KCNQ2: variants seen among roughly 807,000 people sequenced by gnomAD.
KCNQ2 encodes potassium voltage-gated channel subfamily KQT member 2.
A neutral mutation model predicts 84.8 loss-of-function variants in KCNQ2; 14 were observed. The observed-to-expected ratio is 0.17, with a 90% CI of 0.11 to 0.26. The LOEUF is 0.26. KCNQ2 is among the 10% of genes least tolerant of loss of function. KCNQ2 has a pLI of 1.00. For synonymous variants in KCNQ2, 599 were observed against 554.1 expected (o/e 1.08, Z -1.14); for missense variants, 788 against 1,254.0 (o/e 0.63, Z 5.61).
At chr20:63,451,872 C>T (rs1347242936) in intron 1 of KCNQ2, among the ~76,000 whole-genome samples, 1 of 152,230 alleles carries the variant, frequency 6.6e-6, no homozygotes, top group Non-Finnish European at 1.5e-5. Context: ...TCCCCAGCAG[C>T]GGCCTCTGCT....
chr20:63,461,782 G>GC (rs2081956437), intron 1 of KCNQ2, among the ~76,000 whole-genome samples: 1 of 139,504 alleles, frequency 7.2e-6, no homozygotes, highest in East Asian at 2.2e-4. Flanking sequence ...CTACCCCAGG[G>GC]AGCAGGGAAG....
At chr20:63,449,805 C>G (rs2081552507) in intron 1 of KCNQ2, among the ~76,000 whole-genome samples, 1 of 151,898 alleles carries the variant, frequency 6.6e-6, no homozygotes, top group African/African-American at 2.4e-5. Context: ...GGCAGAAGGA[C>G]AGGGCCAGGC....
In KCNQ2 at chr20:63,401,047, T is replaced by C; in HGVS notation, c.*5597A>G. On this transcript the variant is annotated 3_prime_UTR_variant, in exon 17 of 17. Coordinates refer to ENST00000359125, the MANE Select transcript of KCNQ2 (RefSeq NM_172107.4). ...GCCCCGGGGACCGGCCCCTCCTTGC[T>C]GGCGCCTGGCCGAGAGTCAGACGCT... 1 of 395,380 alleles carries C rather than the reference T, an allele frequency of 2.5e-6. No homozygotes were observed. 24.5% of individuals were successfully genotyped at this position (395,380 alleles called of 1,614,324 possible). A position where few individuals can be genotyped will look rare whatever the true frequency, so the allele number is the denominator to read the frequency against.
At position 63,438,377 on chromosome 20, in the gene KCNQ2, G is replaced by T; in HGVS notation, c.1023+248C>A. The stretch of plus-strand genomic sequence containing the variant: ...GAGAGGACCTGATGGCCGGGCCCCA[G>T]CACCCACACAAGGCAAGGGCCACCC... On this transcript the variant is annotated intron_variant, in intron 7 of 16. Coordinates refer to ENST00000359125, the MANE Select transcript of KCNQ2 (RefSeq NM_172107.4). The surrounding 1 kb of genome is among the most constrained non-coding windows in gnomAD (Gnocchi z 5.1). The T allele has an allele frequency of 1.7e-6, 1 of 588,044 alleles. No individual in the cohort carries two copies. The highest frequency in any genetic ancestry group is 3.1e-6 in the Non-Finnish European group (1 of 326,618). The allele number at this position is 588,044 out of a possible 1,614,324, so 36.4% of individuals were successfully genotyped here. A position where few individuals can be genotyped will look rare whatever the true frequency, so the allele number is the denominator to read the frequency against.
At chr20:63,441,176 T>A (rs1043735658) in intron 5 of KCNQ2, among the ~76,000 whole-genome samples, 2 of 107,174 alleles carry the variant, frequency 1.9e-5, no homozygotes, top group African/African-American at 3.5e-5. Flanking sequence ...GCCTGGCAGA[T>A]GGGGCCTGGC....
intron 11 of KCNQ2, 142 bp downstream of exon 11, chr20:63,424,035 T>G: frequency 1.1e-6 from 1 of 871,002 alleles, no homozygotes; most frequent in Non-Finnish European, 1.8e-6. Context: ...CAGGCGGGGG[T>G]CTGGACCCGC....
intron 1 of KCNQ2, among the ~76,000 whole-genome samples, chr20:63,466,141 C>A (rs1016407156): frequency 6.6e-6 from 1 of 152,184 alleles, no homozygotes; most frequent in East Asian, 1.9e-4. Context: ...AACAGGAAGA[C>A]AATCCCCCAA....
At chr20:63,419,387 C>G (rs575990443) in intron 12 of KCNQ2, among the ~76,000 whole-genome samples, 1 of 152,234 alleles carries the variant, frequency 6.6e-6, no homozygotes, top group Non-Finnish European at 1.5e-5. Flanking sequence ...TCTGGCTGTG[C>G]GCAGGACATC....
At chr20:63,415,962 C>T (rs564976107) in intron 12 of KCNQ2, among the ~76,000 whole-genome samples, 5 of 152,308 alleles carry the variant, frequency 3.3e-5, no homozygotes, top group Non-Finnish European at 7.4e-5. Flanking sequence ...GACCCTTGTT[C>T]AGCCACACTC....
Position 63,446,780 on chromosome 20 carries a change from A to G in KCNQ2, c.354T>C (p.Tyr118=). The change falls in exon 2 of 17, where the codon TAT becomes TAC. Residue 118 remains tyrosine, a synonymous_variant. Transcript: ENST00000359125. This position sits in a 1 kb window ranked among gnomAD's most constrained non-coding sequence, Gnocchi z 5.5. ...VLSVFSTIKE[Y]EKSSEGALYI... ...AGAGGGCCCCCTCCGAGCTCTTCTC[A>G]TACTCCTTGATGGTGGAAAACACAG... 6.2e-7 allele frequency: 1 copy of G among 1,613,444 alleles called. No homozygotes were observed. The highest frequency in any genetic ancestry group is 1.1e-5 in the South Asian group (1 of 91,080).
intron 1 of KCNQ2, among the ~76,000 whole-genome samples, chr20:63,465,229 G>C (rs1247464080): frequency 6.6e-6 from 1 of 152,216 alleles, no homozygotes; most frequent in Non-Finnish European, 1.5e-5. Flanking sequence ...CCCAGCTTCA[G>C]AAAACAAAAA....
intron 11 of KCNQ2, among the ~76,000 whole-genome samples, chr20:63,421,406 G>A (rs1225601003): frequency 2.6e-5 from 4 of 152,192 alleles, no homozygotes; most frequent in African/African-American, 7.2e-5. Context: ...GCAGGGAGGC[G>A]CTGCAGGCAC....
Position 63,400,873 on chromosome 20 carries a change from G to C in KCNQ2, c.*5771C>G. 2.5e-6 allele frequency: 1 copy of C among 398,420 alleles called. No individual in the cohort carries two copies. The highest frequency in any genetic ancestry group is 4.4e-6 in the Non-Finnish European group (1 of 225,900). 24.7% of individuals were successfully genotyped at this position (398,420 alleles called of 1,614,324 possible). ...GGCCCCTCGCCCGCCCCACCTGTTC[G>C]CAGGGTCCAGGGCGTCCGTACCTGG... On this transcript the variant is annotated 3_prime_UTR_variant, in exon 17 of 17. Coordinates refer to ENST00000359125, the MANE Select transcript of KCNQ2 (RefSeq NM_172107.4). This position sits in a 1 kb window ranked among gnomAD's most constrained non-coding sequence, Gnocchi z 8.7.
chr20:63,422,084 T>C (rs1166094544), intron 11 of KCNQ2, among the ~76,000 whole-genome samples: 2 of 152,012 alleles, frequency 1.3e-5, no homozygotes, highest in Non-Finnish European at 2.9e-5. Context: ...GGTCCTGCCA[T>C]GCGGGGTGCG....
rs1244271388 is a variant in KCNQ2 at position 63,439,569 on chromosome 20, C to T, written c.927+29G>A. ...GGAGCCTACAAGACCTCGTCCCCCT[C>T]CAAGGCAGGCAGGGGCAGCTGGACT... On this transcript the variant is annotated intron_variant, in intron 6 of 16. Transcript: ENST00000359125. 1.9e-6 allele frequency: 3 copies of T among 1,551,022 alleles called. No homozygotes were observed. In the South Asian group the frequency reaches 3.3e-5, roughly 17 times the overall value.
At chr20:63,419,200 G>A (rs149009796) in intron 12 of KCNQ2, among the ~76,000 whole-genome samples, 5 of 152,294 alleles carry the variant, frequency 3.3e-5, no homozygotes, top group African/African-American at 1.2e-4. Flanking sequence ...TGAGGAGCCC[G>A]GCACACACAG....
At chr20:63,433,541 C>T (rs1275538149) in intron 8 of KCNQ2, 1 of 646,058 alleles carries the variant, frequency 1.5e-6, no homozygotes, top group Non-Finnish European at 2.6e-6. Flanking sequence ...GGGGAGCGTC[C>T]TTGCAACGCA....
chr20:63,472,506 G>T lies in KCNQ2; in HGVS notation c.-43C>A. 7.2e-7 allele frequency: 1 copy of T among 1,386,296 alleles called. No homozygotes were observed. The highest frequency in any genetic ancestry group is 9.3e-7 in the Non-Finnish European group (1 of 1,073,864). The allele number at this position is 1,386,296 out of a possible 1,614,324, so 85.9% of individuals were successfully genotyped here. ...GCCCCGGGTCGGGCTCAGGCTCAGCGGGGGCGGAGCGCGGGGGGCGGCGCG... is the reference window on the plus strand; with the variant it reads ...GCCCCGGGTCGGGCTCAGGCTCAGCTGGGGCGGAGCGCGGGGGGCGGCGCG... On this transcript the variant is annotated 5_prime_UTR_variant, in exon 1 of 17. Transcript: ENST00000359125.
intron 9 of KCNQ2, among the ~76,000 whole-genome samples, chr20:63,430,858 C>T (rs982370671): frequency 2.0e-5 from 3 of 152,228 alleles, no homozygotes; most frequent in African/African-American, 7.2e-5. Context: ...GGGACAAGGA[C>T]TGTGGCTGGT....
Sources: allele counts gnomAD v4.1 joint callset (sites outside exome capture counted in the v4.1 genomes callset), GRCh38; gene constraint gnomAD v4.1.1; non-coding constraint Gnocchi (gnomAD v3.1); transcripts MANE v1.5; gene names NCBI Gene and HGNC (gene_info 2026-07-23, HGNC 2026-07-21).